The following PLEKHM3 variants were observed in gnomAD, a reference collection of about 807,000 sequenced individuals.
PLEKHM3 encodes pleckstrin homology domain containing M3.
PLEKHM3 carries 45 observed loss-of-function variants against 81.8 expected under a neutral mutation model. That is an observed-to-expected ratio of 0.55 (90% confidence interval 0.43 to 0.71). The LOEUF (loss-of-function observed/expected upper bound fraction) is 0.71, where lower values mean the gene tolerates loss of function less well. Ranked by LOEUF, PLEKHM3 falls within the 30% of genes least tolerant of loss-of-function variation. PLEKHM3 has a pLI of 0.00. For missense variants in PLEKHM3, 788 were observed against 924.3 expected (o/e 0.85, Z 1.91); for synonymous variants, 352 against 356.4 (o/e 0.99, Z 0.14).
intron 6 of PLEKHM3, among the ~76,000 whole-genome samples, chr2:207,895,171 T>C (rs1688181380): frequency 6.6e-6 from 1 of 152,170 alleles, no homozygotes; most frequent in African/African-American, 2.4e-5. Context: ...TCATCCTGGG[T>C]CGTGAGTTTT....
chr2:207,983,757 G>T (rs1323189650), intron 2 of PLEKHM3, among the ~76,000 whole-genome samples: 5 of 152,158 alleles, frequency 3.3e-5, no homozygotes, highest in African/African-American at 1.2e-4. Flanking sequence ...TGAAGAGGAA[G>T]AAGGGAATTT....
chr2:207,923,905 A>ATTTTTTTTTTTT (rs869041855), intron 5 of PLEKHM3, among the ~76,000 whole-genome samples: 1 of 28,340 alleles, frequency 3.5e-5, no homozygotes, highest in Non-Finnish European at 6.4e-5. Context: ...ATATATATAT[A>ATTTTTTTTTTTT]TTTTTTTTTT....
chr2:207,956,960 A>G (rs1189494499), intron 3 of PLEKHM3, among the ~76,000 whole-genome samples: 1 of 152,060 alleles, frequency 6.6e-6, no homozygotes, highest in Non-Finnish European at 1.5e-5. Flanking sequence ...TGACTTGATT[A>G]GGTGGTGGTC....
intron 2 of PLEKHM3, among the ~76,000 whole-genome samples, chr2:207,997,235 C>T (rs865856738): frequency 4.6e-5 from 7 of 152,076 alleles, no homozygotes; most frequent in Non-Finnish European, 1.0e-4. Context: ...CTCATTATAC[C>T]GGAGCCCAAT....
intron 3 of PLEKHM3, among the ~76,000 whole-genome samples, chr2:207,955,860 C>T (rs1406197285): frequency 6.6e-6 from 1 of 152,180 alleles, no homozygotes; most frequent in Non-Finnish European, 1.5e-5. Context: ...ATTAGCATCA[C>T]CTCTGAAGAT....
chr2:207,986,924 A>G, intron 2 of PLEKHM3, among the ~76,000 whole-genome samples: 1 of 143,098 alleles, frequency 7.0e-6, no homozygotes, highest in East Asian at 2.0e-4. Context: ...AAGCAATCCT[A>G]TTGCCTTGGC....
intron 6 of PLEKHM3, among the ~76,000 whole-genome samples, chr2:207,882,534 C>T (rs1687729458): frequency 6.6e-6 from 1 of 150,848 alleles, no homozygotes; most frequent in South Asian, 2.1e-4. Flanking sequence ...ATCACTTGAA[C>T]CCGGGAGGCA....
chr2:207,835,912 A>G (rs2092316111), intron 7 of PLEKHM3, among the ~76,000 whole-genome samples: 1 of 152,216 alleles, frequency 6.6e-6, no homozygotes. Context: ...TAGAGATGAC[A>G]GCCATTTACC....
intron 5 of PLEKHM3, among the ~76,000 whole-genome samples, chr2:207,915,799 C>T (rs914584458): frequency 5.9e-5 from 9 of 152,152 alleles, no homozygotes; most frequent in Non-Finnish European, 1.0e-4. Flanking sequence ...CATTTATTCA[C>T]GTAGTTTTAC....
chr2:207,860,522 T>G (rs927660802), intron 7 of PLEKHM3, among the ~76,000 whole-genome samples: 8 of 152,218 alleles, frequency 5.3e-5, no homozygotes, highest in African/African-American at 1.7e-4. Flanking sequence ...ATATGTATCA[T>G]TTTGTGAATC....
intron 3 of PLEKHM3, among the ~76,000 whole-genome samples, chr2:207,970,318 A>T (rs1691071835): frequency 6.6e-6 from 1 of 151,834 alleles, no homozygotes; most frequent in African/African-American, 2.4e-5. Context: ...AGAGGAGGAA[A>T]ATGCCCCCCC....
chr2:207,938,114 A>C (rs1689817103), intron 4 of PLEKHM3, among the ~76,000 whole-genome samples: 1 of 152,112 alleles, frequency 6.6e-6, no homozygotes, highest in African/African-American at 2.4e-5. Context: ...GATACAAATA[A>C]ATTTTTTTAA....
chr2:207,832,624 T>C (rs982973968), intron 7 of PLEKHM3, among the ~76,000 whole-genome samples: 3 of 151,126 alleles, frequency 2.0e-5, no homozygotes, highest in African/African-American at 7.3e-5. Flanking sequence ...AAACCCCGTC[T>C]CTACTAAAAA....
intron 2 of PLEKHM3, among the ~76,000 whole-genome samples, chr2:207,978,122 G>A (rs917311449): frequency 1.3e-5 from 2 of 151,926 alleles, no homozygotes; most frequent in African/African-American, 4.8e-5. Context: ...AACTAGGGTG[G>A]AATCACATGT....
At chr2:207,917,454 T>C (rs1689027896) in intron 5 of PLEKHM3, among the ~76,000 whole-genome samples, 1 of 152,262 alleles carries the variant, frequency 6.6e-6, no homozygotes, top group Admixed American at 6.5e-5. Context: ...AACCAGACCT[T>C]GCACACTTCA....
chr2:207,849,724 T>C (rs1266299322), intron 7 of PLEKHM3, among the ~76,000 whole-genome samples: 1 of 152,210 alleles, frequency 6.6e-6, no homozygotes, highest in African/African-American at 2.4e-5. Context: ...AGCTTTAGTG[T>C]TACCTCAGAC....
chr2:207,949,564 A>T (rs1188929640), intron 3 of PLEKHM3, among the ~76,000 whole-genome samples: 1 of 152,166 alleles, frequency 6.6e-6, no homozygotes, highest in South Asian at 2.1e-4. Flanking sequence ...TTTTAAAAAG[A>T]AAGAAAGAAT....
At chr2:208,014,754 T>C (rs1692823225) in intron 1 of PLEKHM3, among the ~76,000 whole-genome samples, 2 of 152,276 alleles carry the variant, frequency 1.3e-5, no homozygotes, top group African/African-American at 2.4e-5. Context: ...TAGCATGGCA[T>C]AGATTTTTAT....
In PLEKHM3 at chr2:208,001,571, C is replaced by T; in HGVS notation, c.69G>A (p.Leu23=). The part of the protein sequence containing the change: ...LEVTEEFFST[L]DSNLEKAVQQ... ...GCACAGCCTTTTCTAGATTACTATC[C>T]AAAGTACTAAAGAATTCCTCCGTAA... The change falls in exon 2 of 8, where the codon TTG becomes TTA. Residue 23 remains leucine, a synonymous_variant. Coordinates refer to ENST00000427836, the MANE Select transcript of PLEKHM3 (RefSeq NM_001080475.3). 6.2e-7 allele frequency: 1 copy of T among 1,614,142 alleles called. No individual in the cohort carries two copies.
Sources: allele counts gnomAD v4.1 joint callset (sites outside exome capture counted in the v4.1 genomes callset), GRCh38; gene constraint gnomAD v4.1.1; transcripts MANE v1.5; gene names NCBI Gene and HGNC (gene_info 2026-07-23, HGNC 2026-07-21).